TBC1D1: variants seen among roughly 807,000 people sequenced by gnomAD.
The protein encoded by TBC1D1 is TBC1 domain family member 1.
In TBC1D1, 89 loss-of-function variants were observed where a neutral mutation model predicts 125.6. The ratio of observed to expected loss-of-function variants is 0.71; its 90% CI spans 0.60 to 0.85. The LOEUF (loss-of-function observed/expected upper bound fraction) is 0.85, where lower values mean the gene tolerates loss of function less well. TBC1D1 is among the 40% of genes least tolerant of loss of function. The probability of loss-of-function intolerance (pLI) is 0.00; values close to 1 mark genes in which losing one functional copy is unlikely to be tolerated. For missense variants in TBC1D1, 1,377 were observed against 1,469.2 expected (o/e 0.94, Z 1.03); for synonymous variants, 565 against 564.1 (o/e 1.00, Z -0.02).
chr4:38,069,577 C>T (rs1461235056), intron 12 of TBC1D1, among the ~76,000 whole-genome samples: 1 of 151,868 alleles, frequency 6.6e-6, no homozygotes, highest in African/African-American at 2.4e-5. Context: ...TTTTTTTTTC[C>T]TCTCGGTCTC....
chr4:38,135,819 A>G (rs1766412886), intron 19 of TBC1D1, among the ~76,000 whole-genome samples: 1 of 151,426 alleles, frequency 6.6e-6, no homozygotes, highest in South Asian at 2.1e-4. Flanking sequence ...TCAAAAAAGT[A>G]TTTTCTTTGT....
intron 12 of TBC1D1, among the ~76,000 whole-genome samples, chr4:38,085,053 A>G (rs1757239319): frequency 6.6e-6 from 1 of 152,240 alleles, no homozygotes; most frequent in Non-Finnish European, 1.5e-5. Flanking sequence ...TTTCTCGATC[A>G]TGGCATTGAT....
At position 37,919,885 on chromosome 4, in the gene TBC1D1, G is replaced by A. The variant is rs546393841; in HGVS notation, c.417+17373G>A. Among the ~76,000 whole-genome samples the A allele has an allele frequency of 4.7e-4, 71 of 152,272 alleles. 1 individual carries two copies. The Middle Eastern group carries it at 0.017, about 36-fold the overall frequency. ...CCCAGCACTTTGGGAGGCCGAGGGGGGCGGATCATGAGGTCAGGAGATCGA... is the reference window on the plus strand; with the variant it reads ...CCCAGCACTTTGGGAGGCCGAGGGGAGCGGATCATGAGGTCAGGAGATCGA... On this transcript the variant is annotated intron_variant, in intron 2 of 19. Coordinates refer to ENST00000261439, the MANE Select transcript of TBC1D1 (RefSeq NM_015173.4).
chr4:38,110,507 G>T, intron 15 of TBC1D1: 1 of 985,370 alleles, frequency 1.0e-6, no homozygotes, highest in South Asian at 4.7e-5. Context: ...TCATGAAGAG[G>T]AATTACTAGG....
intron 2 of TBC1D1, among the ~76,000 whole-genome samples, chr4:37,915,085 G>A (rs763528582): frequency 2.0e-5 from 3 of 152,236 alleles, no homozygotes; most frequent in Non-Finnish European, 4.4e-5. Flanking sequence ...GCTCTTGCCT[G>A]TCTTCTTCAC....
At chr4:37,984,671 C>T (rs1735062821) in intron 2 of TBC1D1, among the ~76,000 whole-genome samples, 1 of 151,766 alleles carries the variant, frequency 6.6e-6, no homozygotes, top group Non-Finnish European at 1.5e-5. Flanking sequence ...TGGCAAAACC[C>T]TATCTCTAGA....
intron 2 of TBC1D1, chr4:37,960,989 T>C (rs1729933962): frequency 6.3e-7 from 1 of 1,578,556 alleles, no homozygotes; most frequent in Non-Finnish European, 8.6e-7. Context: ...CCTTCAAGCA[T>C]TCTGTCGACC....
At chr4:38,057,987 C>G (rs535123391) in intron 12 of TBC1D1, among the ~76,000 whole-genome samples, 24 of 152,322 alleles carry the variant, frequency 1.6e-4, no homozygotes, top group Admixed American at 1.5e-3. Context: ...ACAGGAAGCT[C>G]CCTATAGGCA....
At chr4:38,100,198 A>G (rs545026432) in intron 14 of TBC1D1, among the ~76,000 whole-genome samples, 1 of 152,364 alleles carries the variant, frequency 6.6e-6, no homozygotes, top group Admixed American at 6.5e-5. Flanking sequence ...TAGAAAGCAG[A>G]GATCAGGGTA....
chr4:38,137,203 G>T lies in TBC1D1; in HGVS notation c.3375G>T (p.Leu1125=). 6.2e-7 allele frequency: 1 copy of T among 1,613,168 alleles called. No individual in the cohort carries two copies. Among genetic ancestry groups the T allele is most frequent in the Non-Finnish European group, 8.5e-7 (1 of 1,180,040 alleles). The change falls in exon 20 of 20, where the codon CTG becomes CTT. Residue 1125 remains leucine, a synonymous_variant. Transcript: ENST00000261439. Reference sequence around the variant, plus strand: ...AGCTCCTGAGCAGTGAGAGCAAGCTGAAGCAGGCCATGCTTACCTTAGAAC... The same window carrying T: ...AGCTCCTGAGCAGTGAGAGCAAGCTTAAGCAGGCCATGCTTACCTTAGAAC...
Position 38,035,668 on chromosome 4 carries a change from A to T in TBC1D1, c.1383A>T (p.Lys461Asn). The change falls in exon 8 of 20, where the codon AAA becomes AAT. Residue 461 changes from lysine to asparagine, a missense_variant. By Grantham distance (94) the Lys-to-Asn change is moderately conservative. Transcript: ENST00000261439. ...GATGTTTATATGAAGAGAAACAGAA[A>T]GAACACATCCATATTGGGGAGATGA... The T allele has an allele frequency of 6.2e-7, 1 of 1,613,746 alleles. No homozygotes were observed. Among genetic ancestry groups the T allele is most frequent in the East Asian group, 2.2e-5 (1 of 44,846 alleles).
chr4:38,029,562 T>G lies in TBC1D1; in HGVS notation c.1302+1683T>G, dbSNP rs555120648. On this transcript the variant is annotated intron_variant, in intron 7 of 19. Transcript: ENST00000261439. ...TTTTGTATTTTCAGTAGAGACGGGG[T>G]TTCACCATATTGGCCAGGCTGGTCT... Among the ~76,000 whole-genome samples the G allele has an allele frequency of 6.6e-5, 10 of 152,174 alleles. No homozygotes were observed. The South Asian group carries it at 2.1e-3, about 32-fold the overall frequency.
At chr4:38,071,340 T>TA (rs1754671031) in intron 12 of TBC1D1, among the ~76,000 whole-genome samples, 1 of 152,224 alleles carries the variant, frequency 6.6e-6, no homozygotes, top group African/African-American at 2.4e-5. Flanking sequence ...CTAGCAGAAG[T>TA]AAAATTTCAG....
chr4:38,068,272 A>G (rs986863352), intron 12 of TBC1D1, among the ~76,000 whole-genome samples: 6 of 152,180 alleles, frequency 3.9e-5, no homozygotes, highest in African/African-American at 1.4e-4. Flanking sequence ...ACGTGCAGCC[A>G]CCAGAGGCAG....
intron 12 of TBC1D1, among the ~76,000 whole-genome samples, chr4:38,067,730 G>A (rs950689067): frequency 3.9e-5 from 6 of 152,152 alleles, no homozygotes; most frequent in East Asian, 1.9e-4. Flanking sequence ...CCCTAACACC[G>A]AAGGCTCAGC....
At chr4:38,067,790 T>G (rs1431037952) in intron 12 of TBC1D1, among the ~76,000 whole-genome samples, 1 of 152,144 alleles carries the variant, frequency 6.6e-6, no homozygotes, top group East Asian at 1.9e-4. Flanking sequence ...TTAGACCAGA[T>G]GTTCTTGTAG....
chr4:38,131,544 TC>T (rs1364510417), intron 18 of TBC1D1, among the ~76,000 whole-genome samples: 2 of 152,154 alleles, frequency 1.3e-5, no homozygotes, highest in African/African-American at 4.8e-5. Context: ...GCTGGGAACT[TC>T]CAGGAGTTGC....
intron 2 of TBC1D1, among the ~76,000 whole-genome samples, chr4:37,963,601 G>A (rs1730482323): frequency 1.3e-5 from 2 of 152,186 alleles, no homozygotes; most frequent in South Asian, 4.1e-4. Flanking sequence ...AGGTTGCGGT[G>A]AGCCGAGATC....
chr4:37,900,610 G>A (rs1414792617), intron 1 of TBC1D1, among the ~76,000 whole-genome samples: 1 of 152,080 alleles, frequency 6.6e-6, no homozygotes, highest in African/African-American at 2.4e-5. Flanking sequence ...CATATGCTAG[G>A]GGAGTGGGGC....
Sources: allele counts gnomAD v4.1 joint callset (sites outside exome capture counted in the v4.1 genomes callset), GRCh38; gene constraint gnomAD v4.1.1; transcripts MANE v1.5; gene names NCBI Gene and HGNC (gene_info 2026-07-23, HGNC 2026-07-21).